PGR: variants seen among roughly 807,000 people sequenced by gnomAD.
PGR encodes the protein progesterone receptor.
PGR carries 25 observed loss-of-function variants against 76.1 expected under a neutral mutation model. The ratio of observed to expected loss-of-function variants is 0.33; its 90% CI spans 0.24 to 0.46. PGR has a LOEUF of 0.46. Among genes scored for constraint, PGR ranks in the 20% least tolerant of loss-of-function variants. The pLI is 1.00. For missense variants in PGR, 1,172 were observed against 1,225.3 expected (o/e 0.96, Z 0.65); for synonymous variants, 579 against 535.0 (o/e 1.08, Z -1.14).
intron 1 of PGR, 82 bp from the exon 2 acceptor site, chr11:101,126,240 C>A: frequency 1.5e-6 from 2 of 1,328,560 alleles, no homozygotes; most frequent in East Asian, 2.4e-5. Context: ...CCAGTATTAA[C>A]AGGGTGAAAG....
At chr11:101,107,870 A>G (rs1862217540) in intron 2 of PGR, among the ~76,000 whole-genome samples, 1 of 146,292 alleles carries the variant, frequency 6.8e-6, no homozygotes, top group Admixed American at 6.9e-5. Context: ...CTTTGTAAAA[A>G]AAAAAAAAAA....
intron 2 of PGR, among the ~76,000 whole-genome samples, chr11:101,099,146 C>T (rs1412675126): frequency 1.3e-5 from 2 of 152,098 alleles, no homozygotes; most frequent in Non-Finnish European, 2.9e-5. Flanking sequence ...TTCATAATAG[C>T]CTCAATCTGA....
intron 2 of PGR, among the ~76,000 whole-genome samples, chr11:101,108,594 T>G (rs1862249467): frequency 6.6e-6 from 1 of 152,242 alleles, no homozygotes; most frequent in South Asian, 2.1e-4. Context: ...TCAAACACAG[T>G]GCCCAGTGGT....
At chr11:101,103,286 A>G (rs1384813794) in intron 2 of PGR, among the ~76,000 whole-genome samples, 1 of 152,100 alleles carries the variant, frequency 6.6e-6, no homozygotes, top group Non-Finnish European at 1.5e-5. Flanking sequence ...GAGCAGATCT[A>G]AATAGTCTTT....
chr11:101,033,596 T>A lies in PGR; in HGVS notation c.*5520A>T, dbSNP rs1859417980. 5.1e-6 allele frequency: 1 copy of A among 197,194 alleles called. No homozygotes were observed. The highest frequency in any genetic ancestry group is 2.3e-5 in the African/African-American group (1 of 43,562). 12.2% of individuals were successfully genotyped at this position (197,194 alleles called of 1,614,324 possible). ...TGCTGCTCAGCAGCTTTCATTGATATGTCTTTGAATAACAAAACATTAAGA... is the reference window on the plus strand; with the variant it reads ...TGCTGCTCAGCAGCTTTCATTGATAAGTCTTTGAATAACAAAACATTAAGA... On this transcript the variant is annotated 3_prime_UTR_variant, in exon 8 of 8. Transcript: ENST00000325455.
chr11:101,036,164 C>A lies in PGR; in HGVS notation c.*2952G>T, dbSNP rs539803560. The A allele has an allele frequency of 4.5e-6, 1 of 220,106 alleles. No homozygotes were observed. The highest frequency in any genetic ancestry group is 2.2e-5 in the African/African-American group (1 of 44,722). 13.6% of individuals were successfully genotyped at this position (220,106 alleles called of 1,614,324 possible). Reference sequence around the variant, plus strand: ...ATAATTTAAGTTACAGGTTGACATTCCATGGCTACTTACAAGGCATAGTTT... The same window carrying A: ...ATAATTTAAGTTACAGGTTGACATTACATGGCTACTTACAAGGCATAGTTT... On this transcript the variant is annotated 3_prime_UTR_variant, in exon 8 of 8. Transcript: ENST00000325455.
chr11:101,091,877 CT>C lies in PGR; in HGVS notation c.1790-2del. ...CCAGCACATAAGTAGTTGTGCTGCC[CT>C]AAAAAAACAAAATGAGTCAAAATTA... On this transcript the variant is annotated splice_acceptor_variant, in intron 2 of 7. Transcript: ENST00000325455. LOFTEE classifies it high-confidence loss of function. The C allele has an allele frequency of 1.3e-6, 2 of 1,529,752 alleles. No homozygotes were observed. The highest frequency in any genetic ancestry group is 1.8e-6 in the Non-Finnish European group (2 of 1,103,810). The allele number at this position is 1,529,752 out of a possible 1,614,324, so 94.8% of individuals were successfully genotyped here. A position where few individuals can be genotyped will look rare whatever the true frequency, so the allele number is the denominator to read the frequency against.
chr11:101,047,579 C>A (rs1450573239), intron 6 of PGR, among the ~76,000 whole-genome samples: 2 of 152,084 alleles, frequency 1.3e-5, no homozygotes, highest in African/African-American at 4.8e-5. Flanking sequence ...TCCTGCCCTT[C>A]CCTCCTGATC....
Position 101,056,561 on chromosome 11 carries a change from G to C in PGR, c.2213-4993C>G, listed in dbSNP as rs138244923. ...AGGCTGAAGCAGGACGATGGCTTGAGCCCAGGAGTTCTAAGCTGCCGTGAG... is the reference window on the plus strand; with the variant it reads ...AGGCTGAAGCAGGACGATGGCTTGACCCCAGGAGTTCTAAGCTGCCGTGAG... On this transcript the variant is annotated intron_variant, in intron 4 of 7. Transcript: ENST00000325455. Among the ~76,000 whole-genome samples the C allele has an allele frequency of 2.1e-4, 32 of 149,100 alleles. No individual in the cohort carries two copies. The East Asian group carries it at 3.1e-3, about 14-fold the overall frequency.
chr11:101,096,845 A>G (rs1035076311), intron 2 of PGR, among the ~76,000 whole-genome samples: 1 of 149,350 alleles, frequency 6.7e-6, no homozygotes, highest in African/African-American at 2.4e-5. Flanking sequence ...TTGTGATTCT[A>G]CAACAAGTGT....
chr11:101,083,278 T>C (rs1211425049), intron 3 of PGR, among the ~76,000 whole-genome samples: 7 of 152,152 alleles, frequency 4.6e-5, no homozygotes, highest in East Asian at 1.9e-4. Context: ...AGAGGATGTA[T>C]GGAAATGCCT....
intron 3 of PGR, among the ~76,000 whole-genome samples, chr11:101,075,959 C>G (rs139436107): frequency 6.6e-6 from 1 of 152,130 alleles, no homozygotes; most frequent in Non-Finnish European, 1.5e-5. Context: ...CCAGCAATCC[C>G]GTTACTGGGT....
At chr11:101,094,199 C>T (rs1349450593) in intron 2 of PGR, among the ~76,000 whole-genome samples, 7 of 152,064 alleles carry the variant, frequency 4.6e-5, no homozygotes, top group Non-Finnish European at 2.9e-5. Flanking sequence ...TTTTTTGGTC[C>T]TCAAAGTTGT....
chr11:101,060,668 C>T (rs1226782410), intron 4 of PGR, among the ~76,000 whole-genome samples: 2 of 152,100 alleles, frequency 1.3e-5, no homozygotes, highest in African/African-American at 2.4e-5. Context: ...AAATGCAGAC[C>T]ATGAAAATAT....
intron 6 of PGR, among the ~76,000 whole-genome samples, chr11:101,045,280 G>A (rs1859832343): frequency 6.6e-6 from 1 of 152,034 alleles, no homozygotes; most frequent in Non-Finnish European, 1.5e-5. Context: ...ACTCTAGTAT[G>A]TACATCTATA....
chr11:101,048,595 T>A (rs1259735345), intron 6 of PGR, among the ~76,000 whole-genome samples: 3 of 152,078 alleles, frequency 2.0e-5, no homozygotes, highest in Non-Finnish European at 4.4e-5. Flanking sequence ...AAAAATCCAA[T>A]ATAAAAGATA....
intron 2 of PGR, among the ~76,000 whole-genome samples, chr11:101,092,937 C>T (rs1565354641): frequency 6.6e-6 from 1 of 151,894 alleles, no homozygotes; most frequent in African/African-American, 2.4e-5. Context: ...GTCTTCTGGC[C>T]AAAGTTGGTA....
At chr11:101,058,932 G>A (rs555951090) in intron 4 of PGR, among the ~76,000 whole-genome samples, 1 of 152,050 alleles carries the variant, frequency 6.6e-6, no homozygotes, top group African/African-American at 2.4e-5. Flanking sequence ...AGTGTCCGAG[G>A]GACTGTATGT....
At chr11:101,093,939 G>A (rs533741914) in intron 2 of PGR, among the ~76,000 whole-genome samples, 6 of 152,102 alleles carry the variant, frequency 3.9e-5, no homozygotes, top group African/African-American at 7.2e-5. Flanking sequence ...AATGGCCTAC[G>A]ATATCATCTC....
Sources: gnomAD v4.1 joint callset for allele counts (sites outside exome capture counted in the v4.1 genomes callset) on GRCh38, gnomAD v4.1.1 for gene constraint, MANE v1.5 for transcripts, NCBI Gene and HGNC (gene_info 2026-07-23, HGNC 2026-07-21) for gene names.